The following SUPT20H variants were observed in gnomAD, a reference collection of about 807,000 sequenced individuals.
SUPT20H encodes the protein transcription factor SPT20 homolog.
Under a neutral mutation model 122.8 loss-of-function variants are expected in SUPT20H, and 82 were observed. That is an observed-to-expected ratio of 0.67 (90% CI 0.56 to 0.80). The LOEUF is 0.80. Among genes scored for constraint, SUPT20H ranks in the 30% least tolerant of loss-of-function variants. The probability of loss-of-function intolerance (pLI) is 0.00; values close to 1 mark genes in which losing one functional copy is unlikely to be tolerated. For missense variants in SUPT20H, 831 were observed against 921.6 expected (o/e 0.90, Z 1.27); for synonymous variants, 291 against 313.0 (o/e 0.93, Z 0.74).
chr13:37,048,408 C>T (rs1339860230), intron 3 of SUPT20H, among the ~76,000 whole-genome samples, 156 bp downstream of exon 3: 1 of 152,054 alleles, frequency 6.6e-6, no homozygotes, highest in African/African-American at 2.4e-5. Context: ...CCAAATATCA[C>T]CTGGTATTTT....
chr13:37,050,527 A>G (rs114755440), intron 2 of SUPT20H, among the ~76,000 whole-genome samples: 161 of 152,182 alleles, frequency 1.1e-3, no homozygotes, highest in African/African-American at 3.8e-3. Context: ...TTGCCCATAA[A>G]ATTTGTTTGT....
At chr13:37,040,549 T>G in intron 8 of SUPT20H, 27 bp downstream of exon 8, 7 of 1,603,594 alleles carry the variant, frequency 4.4e-6, no homozygotes, top group Non-Finnish European at 6.0e-6. Flanking sequence ...AAATCTAAAA[T>G]AGTATTTCTT....
intron 10 of SUPT20H, among the ~76,000 whole-genome samples, chr13:37,033,151 T>C (rs1160524639): frequency 6.6e-6 from 1 of 150,962 alleles, no homozygotes; most frequent in Non-Finnish European, 1.5e-5. Flanking sequence ...AAAATAATAA[T>C]ACTATATAAA....
At chr13:37,031,982 G>T in intron 10 of SUPT20H, 87 bp from the exon 11 acceptor site, 1 of 1,211,926 alleles carries the variant, frequency 8.3e-7, no homozygotes, top group Non-Finnish European at 1.1e-6. Flanking sequence ...TGCTGAATAT[G>T]TACAAATCGT....
At chr13:37,025,053 T>A (rs2062007479) in intron 17 of SUPT20H, 1 of 356,448 alleles carries the variant, frequency 2.8e-6, no homozygotes, top group Non-Finnish European at 5.3e-6. Context: ...GAGATTCTCC[T>A]GTCTCAGCCT....
intron 9 of SUPT20H, among the ~76,000 whole-genome samples, chr13:37,035,309 T>C (rs576830391): frequency 3.3e-5 from 5 of 152,312 alleles, no homozygotes; most frequent in African/African-American, 1.2e-4. Context: ...GAGGTCAAAA[T>C]AGAAACATTA....
intron 1 of SUPT20H, among the ~76,000 whole-genome samples, chr13:37,057,524 T>TAAAAAAAA (rs35735192): frequency 9.2e-6 from 1 of 108,468 alleles, no homozygotes; most frequent in African/African-American, 3.6e-5. Flanking sequence ...GCCAAGCCAT[T>TAAAAAAAA]AAAAAAAAAA....
chr13:37,056,790 T>C (rs1199966), intron 1 of SUPT20H: 141,070 of 152,138 alleles, frequency 0.93, 65,503 homozygotes, highest in East Asian at 1. Context: ...AAAAAGAAAA[T>C]CTTCTTTTCT....
rs548006184 is a variant in SUPT20H, at chr13:37,040,000, G to T, written c.567+405C>A. ...TAACTGGTTATTCTCAGGGGTAAGAGAGTTCCCCTCATTTCAAGGCAACCA... is the reference window on the plus strand; with the variant it reads ...TAACTGGTTATTCTCAGGGGTAAGATAGTTCCCCTCATTTCAAGGCAACCA... On this transcript the variant is annotated intron_variant, in intron 9 of 25. Transcript: ENST00000350612. 7.7e-5 allele frequency: 12 copies of T among 155,454 alleles called. No individual in the cohort carries two copies. In the South Asian group the frequency reaches 2.5e-3, roughly 32 times the overall value. The allele number at this position is 155,454 out of a possible 1,614,324, so 9.6% of individuals were successfully genotyped here.
Position 37,026,803 on chromosome 13 carries a change from C to G in SUPT20H, c.1165G>C (p.Asp389His). ...QMSPSHSSTD[D>H]HSNWFIIGSK... ...TTTTTTAATTACCAATTTGAATGAT[C>G]ATCTGTGGACGAGCTGAAATATAAA... Residue 389 changes from aspartate to histidine, a missense_variant, in exon 15 of 26, where the codon GAT becomes CAT. Coordinates refer to ENST00000350612, the MANE Select transcript of SUPT20H (RefSeq NM_001014286.3). 7.0e-7 allele frequency: 1 copy of G among 1,435,000 alleles called. No individual in the cohort carries two copies. The highest frequency in any genetic ancestry group is 9.2e-7 in the Non-Finnish European group (1 of 1,081,364). 88.9% of individuals were successfully genotyped at this position (1,435,000 alleles called of 1,614,324 possible). A position where few individuals can be genotyped will look rare whatever the true frequency, so the allele number is the denominator to read the frequency against.
Position 37,028,314 on chromosome 13 carries a change from T to G in SUPT20H, c.994-9A>C, listed in dbSNP as rs370257398. ...TAATCATCTTTTACATCCTGAAAAA[T>G]GCATAGCACCTCAAATAAATACCTT... On this transcript the variant is annotated splice_polypyrimidine_tract_variant and intron_variant, in intron 13 of 25. Coordinates refer to ENST00000350612, the MANE Select transcript of SUPT20H (RefSeq NM_001014286.3). 4.4e-6 allele frequency: 7 copies of G among 1,600,858 alleles called. No homozygotes were observed. The highest frequency in any genetic ancestry group is 6.0e-6 in the Non-Finnish European group (7 of 1,175,532).
chr13:37,014,464 G>A (rs2060104579), intron 23 of SUPT20H, among the ~76,000 whole-genome samples: 1 of 152,052 alleles, frequency 6.6e-6, no homozygotes, highest in Non-Finnish European at 1.5e-5. Flanking sequence ...CATCAAGACA[G>A]ATCACGTTCT....
At chr13:37,058,561 A>G (rs758321080) in intron 1 of SUPT20H, among the ~76,000 whole-genome samples, 25 of 152,214 alleles carry the variant, frequency 1.6e-4, no homozygotes, top group Admixed American at 6.5e-4. Flanking sequence ...ACAAAAACTA[A>G]TAACTTCATA....
At chr13:37,027,844 TG>T (rs1395796663) in intron 14 of SUPT20H, among the ~76,000 whole-genome samples, 5 of 152,136 alleles carry the variant, frequency 3.3e-5, no homozygotes, top group Non-Finnish European at 5.9e-5. Context: ...AAACACTTCA[TG>T]TTCAAAGGTT....
At chr13:37,036,329 T>TG (rs56338329) in intron 9 of SUPT20H, among the ~76,000 whole-genome samples, 54,397 of 150,448 alleles carry the variant, frequency 0.36, 11,188 homozygotes, top group East Asian at 0.71. Context: ...AAACTGGAGT[T>TG]TTTTTTTTTT....
chr13:37,021,940 C>G (rs2061508906), intron 20 of SUPT20H, 71 bp downstream of exon 20: 1 of 1,464,294 alleles, frequency 6.8e-7, no homozygotes, highest in Admixed American at 2.2e-5. Flanking sequence ...TAATTTCACA[C>G]ATTAAGAATT....
At chr13:37,049,325 A>C (rs1318289174) in intron 2 of SUPT20H, among the ~76,000 whole-genome samples, 1 of 152,232 alleles carries the variant, frequency 6.6e-6, no homozygotes. Flanking sequence ...ATCTACTAGT[A>C]GATCCCTATC....
At chr13:37,017,614 A>G (rs1260354459) in intron 22 of SUPT20H, among the ~76,000 whole-genome samples, 2 of 152,206 alleles carry the variant, frequency 1.3e-5, no homozygotes, top group Admixed American at 6.5e-5. Flanking sequence ...GCTTCAAGCT[A>G]GTAGTTAGCT....
At position 37,010,648 on chromosome 13, in the gene SUPT20H, A is replaced by T; in HGVS notation, c.2106T>A (p.Ser702=). The T allele has an allele frequency of 1.2e-6, 2 of 1,613,602 alleles. No individual in the cohort carries two copies. The highest frequency in any genetic ancestry group is 2.7e-5 in the African/African-American group (2 of 75,016). The part of the protein sequence containing the change: ...SFMQSQAAVL[S]QLGSAENRPE... ...GTCTGTTCTCGGCAGAGCCAAGCTG[A>T]GACAACACTACAGAGAGGAGAAGGG... Residue 702 remains serine (S), a synonymous_variant, in exon 25 of 26, where the codon TCT becomes TCA. Coordinates refer to ENST00000350612, the MANE Select transcript of SUPT20H (RefSeq NM_001014286.3).
Sources: allele counts gnomAD v4.1 joint callset (sites outside exome capture counted in the v4.1 genomes callset), GRCh38; gene constraint gnomAD v4.1.1; transcripts MANE v1.5; gene names NCBI Gene and HGNC (gene_info 2026-07-23, HGNC 2026-07-21).